The following SEMA6D variants were observed in gnomAD, a reference collection of about 807,000 sequenced individuals.
SEMA6D encodes the protein semaphorin 6D.
A neutral mutation model predicts 106.6 loss-of-function variants in SEMA6D; 35 were observed. The observed-to-expected ratio is 0.33, with a 90% CI of 0.25 to 0.44. SEMA6D has a LOEUF of 0.44. SEMA6D is among the 20% of genes least tolerant of loss of function. SEMA6D has a pLI of 1.00. For missense variants in SEMA6D, 1,185 were observed against 1,345.9 expected (o/e 0.88, Z 1.87); for synonymous variants, 499 against 487.7 (o/e 1.02, Z -0.31).
At chr15:47,322,079 C>G (rs1012209165) in intron 1 of SEMA6D, among the ~76,000 whole-genome samples, 3 of 152,008 alleles carry the variant, frequency 2.0e-5, no homozygotes, top group African/African-American at 7.2e-5. Context: ...AGACTCCAAC[C>G]CAGAAGGCAG....
At chr15:47,470,754 A>G (rs2042810786) in intron 3 of SEMA6D, among the ~76,000 whole-genome samples, 1 of 151,602 alleles carries the variant, frequency 6.6e-6, no homozygotes, top group South Asian at 2.1e-4. Flanking sequence ...TACAGCTCAA[A>G]CTACAAGTAT....
At chr15:47,622,948 G>T (rs1596469352) in intron 4 of SEMA6D, among the ~76,000 whole-genome samples, 1 of 152,132 alleles carries the variant, frequency 6.6e-6, no homozygotes, top group Non-Finnish European at 1.5e-5. Context: ...CACAAGCTGG[G>T]GAAAGAGTGC....
In SEMA6D at chr15:47,289,422, G is replaced by A. The variant is rs76353991; in HGVS notation, c.-239+105004G>A. ...AAAAAAAAAAAAAAAAAAAAGAAAA[G>A]GTGAGCTAAATTCAGTTCAGCATAT... is the stretch of plus-strand genomic sequence containing the variant. On this transcript the variant is annotated intron_variant, in intron 1 of 19. Coordinates refer to the SEMA6D transcript ENST00000558014. Among the ~76,000 whole-genome samples, 555 of 144,448 alleles carry A rather than the reference G, an allele frequency of 3.8e-3. 3 individuals are homozygous for A. Among genetic ancestry groups the A allele is most frequent in the African/African-American group, 0.013 (519 of 39,488 alleles). The allele number at this position is 144,448 out of a possible 152,430, so 94.8% of individuals were successfully genotyped here. A position where few individuals can be genotyped will look rare whatever the true frequency, so the allele number is the denominator to read the frequency against.
At chr15:47,513,679 G>A (rs1410533355) in intron 3 of SEMA6D, among the ~76,000 whole-genome samples, 1 of 152,188 alleles carries the variant, frequency 6.6e-6, no homozygotes, top group Non-Finnish European at 1.5e-5. Context: ...AGATTCCCAA[G>A]GGCAATAGAT....
intron 1 of SEMA6D, among the ~76,000 whole-genome samples, chr15:47,721,877 T>C (rs1235709560): frequency 1.3e-5 from 2 of 152,094 alleles, no homozygotes; most frequent in African/African-American, 4.8e-5. Flanking sequence ...ATGTAGATCA[T>C]CCATCATCCT....
chr15:47,691,411 A>C (rs1224544295), intron 4 of SEMA6D, among the ~76,000 whole-genome samples: 1 of 152,252 alleles, frequency 6.6e-6, no homozygotes, highest in East Asian at 1.9e-4. Flanking sequence ...TTGTCACTGT[A>C]GTCAAAGAGG....
intron 3 of SEMA6D, among the ~76,000 whole-genome samples, chr15:47,574,301 T>C (rs2076117897): frequency 6.6e-6 from 1 of 152,226 alleles, no homozygotes; most frequent in Admixed American, 6.5e-5. Flanking sequence ...AGATTGATTG[T>C]CCTCATCCAG....
intron 1 of SEMA6D, among the ~76,000 whole-genome samples, chr15:47,237,239 AT>A (rs1185674143): frequency 6.6e-6 from 1 of 152,178 alleles, no homozygotes; most frequent in East Asian, 1.9e-4. Context: ...AAGGAATTTA[AT>A]AAGTTCTATT....
intron 1 of SEMA6D, among the ~76,000 whole-genome samples, chr15:47,285,484 A>G (rs1323056332): frequency 6.6e-6 from 1 of 152,104 alleles, no homozygotes; most frequent in Non-Finnish European, 1.5e-5. Context: ...TGTTTGAAAA[A>G]AAAAAGGGAA....
At chr15:47,534,909 T>C (rs963312924) in intron 3 of SEMA6D, among the ~76,000 whole-genome samples, 2 of 152,032 alleles carry the variant, frequency 1.3e-5, no homozygotes, top group African/African-American at 4.8e-5. Flanking sequence ...ATATAAACAC[T>C]AGTCTATGCA....
chr15:47,378,627 C>T lies in SEMA6D; in HGVS notation c.-238-33766C>T, dbSNP rs1004703905. 7.2e-5 allele frequency among the ~76,000 whole-genome samples: 11 copies of T among 152,112 alleles called. 1 individual carries two copies. Among genetic ancestry groups the T allele is most frequent in the East Asian group, 1.9e-4 (1 of 5,196 alleles). On this transcript the variant is annotated intron_variant, in intron 1 of 19. Coordinates refer to the SEMA6D transcript ENST00000558014. Reference sequence around the variant, plus strand: ...AGTATTGCATAAAGATGAATAAATACGTTATTTTCCACCAAGTGCTGCCTC... The same window carrying T: ...AGTATTGCATAAAGATGAATAAATATGTTATTTTCCACCAAGTGCTGCCTC...
intron 1 of SEMA6D, among the ~76,000 whole-genome samples, chr15:47,310,875 TA>T (rs1209395940): frequency 6.6e-6 from 1 of 152,188 alleles, no homozygotes; most frequent in African/African-American, 2.4e-5. Context: ...TGCCGTTTCT[TA>T]ACAAATTCAT....
At chr15:47,186,696 A>G (rs1477464738) in intron 1 of SEMA6D, among the ~76,000 whole-genome samples, 1 of 152,196 alleles carries the variant, frequency 6.6e-6, no homozygotes, top group African/African-American at 2.4e-5. Context: ...TGAATCAACC[A>G]GGTTCTAATG....
At chr15:47,608,801 A>G (rs1200361736) in intron 4 of SEMA6D, among the ~76,000 whole-genome samples, 1 of 152,180 alleles carries the variant, frequency 6.6e-6, no homozygotes, top group Non-Finnish European at 1.5e-5. Flanking sequence ...TTCTGGTACA[A>G]TTAAATGGAA....
chr15:47,576,921 C>G (rs1258284568), intron 3 of SEMA6D, among the ~76,000 whole-genome samples: 1 of 152,150 alleles, frequency 6.6e-6, no homozygotes, highest in Admixed American at 6.5e-5. Flanking sequence ...ATTATATATG[C>G]ATATATGTTT....
intron 1 of SEMA6D, among the ~76,000 whole-genome samples, chr15:47,227,374 T>C (rs2141472237): frequency 6.7e-6 from 1 of 150,326 alleles, no homozygotes; most frequent in East Asian, 1.9e-4. Context: ...TCTTCCTTTT[T>C]CCTTCCTTTC....
At chr15:47,187,581 G>A (rs963460442) in intron 1 of SEMA6D, among the ~76,000 whole-genome samples, 2 of 152,126 alleles carry the variant, frequency 1.3e-5, no homozygotes, top group African/African-American at 4.8e-5. Context: ...ACTACTTGCT[G>A]AAATTTCTCA....
intron 4 of SEMA6D, among the ~76,000 whole-genome samples, chr15:47,691,187 G>A (rs756250612): frequency 6.6e-6 from 1 of 152,106 alleles, no homozygotes; most frequent in African/African-American, 2.4e-5. Context: ...AGTCTTCCAT[G>A]TTGCTCCTCT....
intron 2 of SEMA6D, among the ~76,000 whole-genome samples, chr15:47,462,493 C>CTA (rs964460175): frequency 2.6e-4 from 40 of 152,196 alleles, no homozygotes; most frequent in Admixed American, 2.4e-3. Context: ...AACCTCCTTC[C>CTA]TACAGCCCTT....
Sources: allele counts gnomAD v4.1 joint callset (sites outside exome capture counted in the v4.1 genomes callset), GRCh38; gene constraint gnomAD v4.1.1; transcripts MANE v1.5; gene names NCBI Gene and HGNC (gene_info 2026-07-23, HGNC 2026-07-21).